NEBL: variants seen among roughly 807,000 people sequenced by gnomAD.
The protein encoded by NEBL is LIM and SH3 protein 2.
In NEBL, 122 loss-of-function variants were observed where a neutral mutation model predicts 140.2. The observed-to-expected ratio is 0.87, with a 90% confidence interval of 0.75 to 1.01. The LOEUF (loss-of-function observed/expected upper bound fraction) is 1.01. Among genes scored for constraint, NEBL ranks in the 50% least tolerant of loss-of-function variants. The probability of loss-of-function intolerance (pLI) is 0.00; values close to 1 mark genes in which losing one functional copy is unlikely to be tolerated. For synonymous variants in NEBL, 436 were observed against 398.9 expected (o/e 1.09, Z -1.11); for missense variants, 1,365 against 1,231.3 (o/e 1.11, Z -1.62).
chr10:21,168,009 G>C (rs568878618), intron 2 of NEBL, among the ~76,000 whole-genome samples: 2 of 151,904 alleles, frequency 1.3e-5, no homozygotes, highest in African/African-American at 4.8e-5. Flanking sequence ...GAGCAAAATG[G>C]GTATTACGCC....
intron 2 of NEBL, among the ~76,000 whole-genome samples, chr10:21,118,786 T>A (rs1183571783): frequency 2.0e-5 from 3 of 152,196 alleles, no homozygotes; most frequent in African/African-American, 7.2e-5. Flanking sequence ...TTCTCTTTCC[T>A]ATGAATGCAT....
chr10:20,805,158 A>C, intron 26 of NEBL, among the ~76,000 whole-genome samples: 1 of 152,202 alleles, frequency 6.6e-6, no homozygotes, highest in East Asian at 1.9e-4. Flanking sequence ...GGGTTTAAGT[A>C]GCTGGAAAGT....
intron 1 of NEBL, among the ~76,000 whole-genome samples, chr10:21,172,839 G>A (rs1288857017): frequency 6.6e-6 from 1 of 152,168 alleles, no homozygotes; most frequent in Non-Finnish European, 1.5e-5. Context: ...AGTTCAAAGT[G>A]TCTAAATGCA....
intron 12 of NEBL, among the ~76,000 whole-genome samples, chr10:20,842,078 T>C (rs776696355): frequency 1.3e-5 from 2 of 152,130 alleles, no homozygotes; most frequent in African/African-American, 2.4e-5. Flanking sequence ...AGATGAAAGA[T>C]GAAATTTCCT....
rs535774477 is a variant in NEBL at position 21,255,763 on chromosome 10, C to T, written n.183-3935G>A. On this transcript the variant is annotated intron_variant and non_coding_transcript_variant, in intron 1 of 8. Coordinates refer to the NEBL transcript ENST00000675702. The stretch of plus-strand genomic sequence containing the variant: ...CGGTAATCCCAACACTTTGGGAGGC[C>T]AAGGTGGGCAGATCACGAGGTCAGG... Among the ~76,000 whole-genome samples, 332 of 152,076 alleles carry T rather than the reference C, an allele frequency of 2.2e-3. 3 individuals are homozygous for T. In the East Asian group the frequency reaches 0.033, roughly 15 times the overall value.
chr10:21,024,103 C>T (rs1838924384), intron 2 of NEBL, among the ~76,000 whole-genome samples: 1 of 151,450 alleles, frequency 6.6e-6, no homozygotes, highest in Admixed American at 6.6e-5. Context: ...CTTCTACTGT[C>T]TTTTAGAAAA....
chr10:21,179,382 T>C (rs148031012), upstream of NEBL, among the ~76,000 whole-genome samples: 821 of 152,274 alleles, frequency 5.4e-3, 10 homozygotes, highest in African/African-American at 0.019. Context: ...TGAGGCCAGC[T>C]GCTCTGAAGG....
rs578087652 is a variant in NEBL at position 21,289,082 on chromosome 10, C to A, written n.182+3748G>T. Among the ~76,000 whole-genome samples the A allele has an allele frequency of 2.0e-5, 3 of 151,550 alleles. No homozygotes were observed. In the East Asian group the frequency reaches 5.9e-4, roughly 30 times the overall value. ...CAGGCTGGTCTTGAACTCCTGATCT[C>A]GTGATCCACCCGCCTCAGCTTCCCA... On this transcript the variant is annotated intron_variant and non_coding_transcript_variant, in intron 1 of 8. Coordinates refer to the NEBL transcript ENST00000675702.
At chr10:21,150,148 G>C (rs1441901440) in intron 2 of NEBL, among the ~76,000 whole-genome samples, 1 of 151,994 alleles carries the variant, frequency 6.6e-6, no homozygotes, top group Non-Finnish European at 1.5e-5. Flanking sequence ...AATAACGAAG[G>C]CCTCACTTTT....
Position 21,222,191 on chromosome 10 carries a change from A to G in NEBL, n.348+25730T>C, listed in dbSNP as rs112184315. Among the ~76,000 whole-genome samples, 1,172 of 152,082 alleles carry G rather than the reference A, an allele frequency of 7.7e-3. 11 individuals carry two copies. Among genetic ancestry groups the G allele is most frequent in the African/African-American group, 0.026 (1,059 of 41,492 alleles). On this transcript the variant is annotated intron_variant and non_coding_transcript_variant, in intron 3 of 8. Transcript: ENST00000675702. ...CTGGGCACGGTGGCTCACACCTGTAATCCCACCACTTTGGGAGGCCGAGGT... is the reference window on the plus strand; with the variant it reads ...CTGGGCACGGTGGCTCACACCTGTAGTCCCACCACTTTGGGAGGCCGAGGT...
intron 1 of NEBL, among the ~76,000 whole-genome samples, chr10:21,172,860 G>A (rs1159912344): frequency 6.6e-6 from 1 of 152,144 alleles, no homozygotes; most frequent in East Asian, 1.9e-4. Flanking sequence ...GGGTTTGTAG[G>A]ATCTCAATAA....
In NEBL at chr10:21,173,993, G is replaced by C. The variant is rs1841209853; in HGVS notation, c.-160C>G. 1 of 1,225,906 alleles carries C rather than the reference G, an allele frequency of 8.2e-7. No individual in the cohort carries two copies. 75.9% of individuals were successfully genotyped at this position (1,225,906 alleles called of 1,614,324 possible). A position where few individuals can be genotyped will look rare whatever the true frequency, so the allele number is the denominator to read the frequency against. On this transcript the variant is annotated 5_prime_UTR_variant, in exon 1 of 7. Transcript: ENST00000417816. The surrounding 1 kb of genome is among the most constrained non-coding windows in gnomAD (Gnocchi z 5.7). ...GCGCCGGGCCACGGGTGAGTGCACG[G>C]GGAGGGCGACGGGGCCTGGCGCCTG...
At chr10:21,062,388 T>C (rs559072357) in intron 2 of NEBL, among the ~76,000 whole-genome samples, 37 of 152,080 alleles carry the variant, frequency 2.4e-4, no homozygotes, top group Non-Finnish European at 4.4e-4. Flanking sequence ...CTGGCTGGTG[T>C]AGTGGCTCTC....
chr10:21,005,204 A>T (rs1838085970), intron 3 of NEBL, among the ~76,000 whole-genome samples: 1 of 152,172 alleles, frequency 6.6e-6, no homozygotes, highest in South Asian at 2.1e-4. Flanking sequence ...TTCTTTAAGG[A>T]GCACAAGGCC....
At chr10:20,939,599 G>A (rs11012405) in intron 4 of NEBL, among the ~76,000 whole-genome samples, 95,561 of 150,824 alleles carry the variant, frequency 0.63, 30,465 homozygotes, top group Non-Finnish European at 0.67. Context: ...AACCTTAAAC[G>A]TAAATGGGCT....
chr10:21,092,586 TTAATAATAATAATAATAA>T (rs4025883), intron 2 of NEBL, among the ~76,000 whole-genome samples: 29 of 142,108 alleles, frequency 2.0e-4, no homozygotes, highest in African/African-American at 5.8e-4. Context: ...CCTCTATAAT[TTAATAATAATAATAATAA>T]TAATAATAAT....
chr10:21,133,772 G>A (rs2132076428), intron 2 of NEBL, among the ~76,000 whole-genome samples: 1 of 152,246 alleles, frequency 6.6e-6, no homozygotes, highest in East Asian at 1.9e-4. Context: ...GGGTGATGTG[G>A]CTGTCATGAT....
chr10:20,992,880 C>T (rs1837521551), intron 3 of NEBL, among the ~76,000 whole-genome samples: 1 of 144,762 alleles, frequency 6.9e-6, no homozygotes, highest in Non-Finnish European at 1.5e-5. Context: ...CAGGTTCATA[C>T]CATTCTCCCA....
chr10:20,919,854 C>G (rs1047197926), intron 4 of NEBL, among the ~76,000 whole-genome samples: 1 of 151,944 alleles, frequency 6.6e-6, no homozygotes, highest in Non-Finnish European at 1.5e-5. Context: ...GAATAATAAT[C>G]TAAAATGTAC....
Sources: gnomAD v4.1 joint callset for allele counts (sites outside exome capture counted in the v4.1 genomes callset) on GRCh38, gnomAD v4.1.1 for gene constraint, Gnocchi (gnomAD v3.1) non-coding constraint, MANE v1.5 for transcripts, NCBI Gene and HGNC (gene_info 2026-07-23, HGNC 2026-07-21) for gene names.